Variants in IGF1R observed in about 807,000 individuals in gnomAD.
IGF1R encodes the protein insulin like growth factor 1 receptor.
In IGF1R, 44 loss-of-function variants were observed where a neutral mutation model predicts 144.6. That is an observed-to-expected ratio of 0.30 (90% CI 0.24 to 0.39). IGF1R has a LOEUF of 0.39. Ranked by LOEUF, IGF1R falls within the 10% of genes least tolerant of loss-of-function variation. The pLI is 1.00. For synonymous variants in IGF1R, 795 were observed against 722.8 expected, an observed-to-expected ratio of 1.10 and a Z score of -1.60; for missense variants, 1,355 against 1,833.7, an observed-to-expected ratio of 0.74 and a Z score of 4.77.
chr15:98,705,272 G>A (rs965614105), intron 1 of IGF1R, among the ~76,000 whole-genome samples: 2 of 152,142 alleles, frequency 1.3e-5, no homozygotes, highest in Admixed American at 6.5e-5. Flanking sequence ...GTGACACTTC[G>A]ACAGTGTCAC....
Position 98,961,901 on chromosome 15 carries a change from G to A in IGF1R, c.*4459G>A, listed in dbSNP as rs981945354. On this transcript the variant is annotated 3_prime_UTR_variant, in exon 21 of 21. Transcript: ENST00000650285. ...ATGCGGAGTCACATTTCAATGGTAC[G>A]AAAAGTGGCTTCGTAAAATAGAAGA... 7.7e-5 allele frequency: 18 copies of A among 233,230 alleles called. No individual in the cohort carries two copies. Among genetic ancestry groups the A allele is most frequent in the Admixed American group, 3.4e-4 (6 of 17,786 alleles). 14.4% of individuals were successfully genotyped at this position (233,230 alleles called of 1,614,324 possible).
chr15:98,741,240 T>G (rs901132042), intron 2 of IGF1R, among the ~76,000 whole-genome samples: 3 of 147,876 alleles, frequency 2.0e-5, no homozygotes, highest in African/African-American at 5.0e-5. Context: ...CTGAGCTTTT[T>G]TTTTTTTTTT....
At chr15:98,796,666 C>G (rs1404512313) in intron 2 of IGF1R, among the ~76,000 whole-genome samples, 1 of 152,180 alleles carries the variant, frequency 6.6e-6, no homozygotes, top group Non-Finnish European at 1.5e-5. Flanking sequence ...TGCCACAGCA[C>G]TTATTTTCTA....
chr15:98,793,383 T>C (rs2056169345), intron 2 of IGF1R, among the ~76,000 whole-genome samples: 2 of 152,250 alleles, frequency 1.3e-5, no homozygotes, highest in African/African-American at 2.4e-5. Flanking sequence ...TATCAGGGTT[T>C]ATGAGGAGCC....
chr15:98,723,626 A>C (rs150763203), intron 2 of IGF1R, among the ~76,000 whole-genome samples: 1 of 152,328 alleles, frequency 6.6e-6, no homozygotes, highest in Non-Finnish European at 1.5e-5. Flanking sequence ...TACAGACTAT[A>C]AAGATAAAGA....
At chr15:98,838,998 GCTGA>G (rs1387212588) in intron 2 of IGF1R, among the ~76,000 whole-genome samples, 1 of 152,230 alleles carries the variant, frequency 6.6e-6, no homozygotes, top group African/African-American at 2.4e-5. Context: ...GCACTGGAAG[GCTGA>G]CTATGGAGTG....
At chr15:98,801,619 A>G (rs1485941358) in intron 2 of IGF1R, among the ~76,000 whole-genome samples, 1 of 152,200 alleles carries the variant, frequency 6.6e-6, no homozygotes, top group East Asian at 1.9e-4. Flanking sequence ...GATTTCCCCA[A>G]ATTGGACAGC....
At chr15:98,773,540 C>T (rs185243235) in intron 2 of IGF1R, among the ~76,000 whole-genome samples, 1 of 152,284 alleles carries the variant, frequency 6.6e-6, no homozygotes, top group East Asian at 1.9e-4. Flanking sequence ...GATCAGCAAC[C>T]ATTTCCTTTT....
intron 2 of IGF1R, among the ~76,000 whole-genome samples, chr15:98,876,060 G>A (rs2013045466): frequency 6.6e-6 from 1 of 152,168 alleles, no homozygotes; most frequent in Non-Finnish European, 1.5e-5. Context: ...TTGCATGATA[G>A]TCTGGAATGA....
In IGF1R at chr15:98,959,227, A is replaced by G; in HGVS notation, c.*1785A>G. On this transcript the variant is annotated 3_prime_UTR_variant, in exon 21 of 21. Coordinates refer to ENST00000650285, the MANE Select transcript of IGF1R (RefSeq NM_000875.5). ...TATATTTTTTTAATTCTTGGGTACAACAGCAGTGTTAACCGCAGACACTAG... is the reference window on the plus strand; with the variant it reads ...TATATTTTTTTAATTCTTGGGTACAGCAGCAGTGTTAACCGCAGACACTAG... 4.3e-6 allele frequency: 1 copy of G among 233,588 alleles called. No individual in the cohort carries two copies. The highest frequency in any genetic ancestry group is 8.5e-6 in the Non-Finnish European group (1 of 117,986). The allele number at this position is 233,588 out of a possible 1,614,324, so 14.5% of individuals were successfully genotyped here.
rs991201469 is a variant in IGF1R at position 98,958,452 on chromosome 15, A to G, written c.*1010A>G. The G allele has an allele frequency of 9.7e-6, 2 of 205,826 alleles. No homozygotes were observed. 12.7% of individuals were successfully genotyped at this position (205,826 alleles called of 1,614,324 possible). ...AGGACACAGATGGGAAGGGGTTTCC[A>G]GGGACTCAGCCCCACTGTTGATGCA... On this transcript the variant is annotated 3_prime_UTR_variant, in exon 21 of 21. Coordinates refer to ENST00000650285, the MANE Select transcript of IGF1R (RefSeq NM_000875.5).
intron 2 of IGF1R, among the ~76,000 whole-genome samples, chr15:98,806,243 C>T (rs1360476749): frequency 2.6e-5 from 4 of 152,030 alleles, no homozygotes; most frequent in African/African-American, 7.2e-5. Context: ...TGGCACAGGG[C>T]GAGGTGTGGG....
chr15:98,687,922 C>A (rs2053370365), intron 1 of IGF1R, among the ~76,000 whole-genome samples: 1 of 152,204 alleles, frequency 6.6e-6, no homozygotes, highest in Admixed American at 6.5e-5. Context: ...TCATGATTGC[C>A]AGCCCCTGTT....
Position 98,911,063 on chromosome 15 carries a change from G to A in IGF1R, c.1463-252G>A, listed in dbSNP as rs1052622349. 3.3e-5 allele frequency among the ~76,000 whole-genome samples: 5 copies of A among 152,290 alleles called. No homozygotes were observed. In the East Asian group the frequency reaches 5.8e-4, roughly 18 times the overall value. On this transcript the variant is annotated intron_variant, in intron 6 of 20. Coordinates refer to ENST00000650285, the MANE Select transcript of IGF1R (RefSeq NM_000875.5). ...CTTGTTTTCAGGTTAGGAAACCCAG[G>A]TTCATGTCCAAGTCCCTGGGCAAGT...
intron 2 of IGF1R, among the ~76,000 whole-genome samples, chr15:98,868,257 G>T (rs1380895980): frequency 7.4e-6 from 1 of 135,112 alleles, no homozygotes; most frequent in African/African-American, 2.7e-5. Flanking sequence ...TGAGATGGAG[G>T]TCAAGGCTTC....
intron 1 of IGF1R, among the ~76,000 whole-genome samples, chr15:98,676,914 A>T (rs1240985146): frequency 2.0e-5 from 3 of 152,022 alleles, no homozygotes; most frequent in Admixed American, 2.0e-4. Flanking sequence ...TTATATTTTT[A>T]AATTTTTTTT....
chr15:98,952,249 A>G (rs773218346), intron 20 of IGF1R, among the ~76,000 whole-genome samples: 89 of 151,640 alleles, frequency 5.9e-4, no homozygotes, highest in Non-Finnish European at 9.6e-4. Context: ...TCCAGGACAC[A>G]GGGGAGAGGA....
intron 10 of IGF1R, among the ~76,000 whole-genome samples, chr15:98,919,271 G>A (rs1045951798): frequency 6.6e-6 from 1 of 152,160 alleles, no homozygotes; most frequent in Non-Finnish European, 1.5e-5. Context: ...CAGAGGCTTA[G>A]CTCGTGGCAG....
chr15:98,882,205 C>A (rs970907359), intron 2 of IGF1R, among the ~76,000 whole-genome samples: 1 of 152,206 alleles, frequency 6.6e-6, no homozygotes, highest in Non-Finnish European at 1.5e-5. Flanking sequence ...AAGCCGTGAC[C>A]GTCATCTTGG....
Sources: allele counts gnomAD v4.1 joint callset (sites outside exome capture counted in the v4.1 genomes callset), GRCh38; gene constraint gnomAD v4.1.1; transcripts MANE v1.5; gene names NCBI Gene and HGNC (gene_info 2026-07-23, HGNC 2026-07-21).